Variants in ERC1 observed in about 807,000 individuals in gnomAD.
ERC1 encodes ELKS/RAB6-interacting/CAST family member 1.
In ERC1, 56 loss-of-function variants were observed where a neutral mutation model predicts 132.0. The observed-to-expected ratio is 0.42, with a 90% confidence interval of 0.34 to 0.53. The LOEUF is 0.53. Among genes scored for constraint, ERC1 ranks in the 20% least tolerant of loss-of-function variants. ERC1 has a pLI of 0.03. For synonymous variants in ERC1, 478 were observed against 476.1 expected (o/e 1.00, Z -0.05); for missense variants, 1,202 against 1,349.9 (o/e 0.89, Z 1.72).
chr12:1,092,792 C>A (rs528793881), intron 3 of ERC1, among the ~76,000 whole-genome samples: 116 of 152,278 alleles, frequency 7.6e-4, no homozygotes, highest in African/African-American at 2.7e-3. Flanking sequence ...AAAACCCTGT[C>A]TCTACTAAAA....
chr12:1,259,520 CTTTTTTTTTTTT>C (rs201786277), intron 13 of ERC1, among the ~76,000 whole-genome samples: 1 of 113,908 alleles, frequency 8.8e-6, no homozygotes. Context: ...TTCTTTCTTT[CTTTTTTTTTTTT>C]TTTTTTTTTG....
At chr12:1,179,126 C>T (rs1003685630) in intron 8 of ERC1, among the ~76,000 whole-genome samples, 1 of 152,094 alleles carries the variant, frequency 6.6e-6, no homozygotes, top group South Asian at 2.1e-4. Flanking sequence ...TAACATGCCG[C>T]TTGCTGTACT....
rs79093727 is a variant in ERC1, at chr12:1,324,853, T to C, written c.2780+34841T>C. On this transcript the variant is annotated intron_variant, in intron 15 of 18. Coordinates refer to ENST00000360905, the MANE Select transcript of ERC1 (RefSeq NM_178040.4). ...TCCACTGCCTGTTTTTCTTCAGGTATCATGAAAGTGAATGAAGTATTTTCA... is the reference window on the plus strand; with the variant it reads ...TCCACTGCCTGTTTTTCTTCAGGTACCATGAAAGTGAATGAAGTATTTTCA... Among the ~76,000 whole-genome samples, 440 of 152,330 alleles carry C rather than the reference T, an allele frequency of 2.9e-3. 2 individuals are homozygous for C. The highest frequency in any genetic ancestry group is 9.7e-3 in the African/African-American group (404 of 41,582).
chr12:1,142,740 T>C (rs1949968939), intron 8 of ERC1, among the ~76,000 whole-genome samples: 1 of 152,242 alleles, frequency 6.6e-6, no homozygotes, highest in African/African-American at 2.4e-5. Context: ...GAACAGACTT[T>C]TATATTTAAC....
At chr12:1,328,655 C>G (rs551916852) in intron 15 of ERC1, among the ~76,000 whole-genome samples, 1 of 144,722 alleles carries the variant, frequency 6.9e-6, no homozygotes, top group Admixed American at 6.7e-5. Context: ...TTTCCTTTCT[C>G]CCCCCTCCCC....
intron 15 of ERC1, among the ~76,000 whole-genome samples, chr12:1,333,826 C>T (rs2083084880): frequency 6.6e-6 from 1 of 152,166 alleles, no homozygotes; most frequent in African/African-American, 2.4e-5. Flanking sequence ...GAGGAATCAT[C>T]ATGCTGTCTT....
chr12:1,490,046 C>T (rs2094302282), intron 18 of ERC1, 47 bp from the exon 19 acceptor site: 1 of 1,596,246 alleles, frequency 6.3e-7, no homozygotes, highest in Non-Finnish European at 8.6e-7. Flanking sequence ...TAGCTCAGTG[C>T]AAATGGGATT....
At position 1,155,281 on chromosome 12, in the gene ERC1, G is replaced by A. The variant is rs539111254; in HGVS notation, c.1737+13494G>A. ...GCAGAGGTTGCAGTGAGCCTGGATCGTGCCACTGCACTCACAGGGCGAGAC... is the reference window on the plus strand; with the variant it reads ...GCAGAGGTTGCAGTGAGCCTGGATCATGCCACTGCACTCACAGGGCGAGAC... On this transcript the variant is annotated intron_variant, in intron 8 of 18. Coordinates refer to ENST00000360905, the MANE Select transcript of ERC1 (RefSeq NM_178040.4). 9.8e-4 allele frequency among the ~76,000 whole-genome samples: 137 copies of A among 140,448 alleles called. 2 individuals carry two copies. The South Asian group carries it at 0.014, about 15-fold the overall frequency. 92.1% of individuals were successfully genotyped at this position (140,448 alleles called of 152,430 possible). A position where few individuals can be genotyped will look rare whatever the true frequency, so the allele number is the denominator to read the frequency against.
chr12:1,462,496 A>G (rs1328909449), intron 18 of ERC1, among the ~76,000 whole-genome samples: 1 of 152,236 alleles, frequency 6.6e-6, no homozygotes, highest in Non-Finnish European at 1.5e-5. Context: ...CTACTCAGCA[A>G]TAGAAAAGAA....
chr12:1,459,047 A>C (rs188382795), intron 18 of ERC1, among the ~76,000 whole-genome samples: 2 of 152,372 alleles, frequency 1.3e-5, no homozygotes, highest in Non-Finnish European at 2.9e-5. Flanking sequence ...TCAAAACAAC[A>C]TGGGGAAAAT....
chr12:1,238,598 C>T (rs1172606258), intron 13 of ERC1, among the ~76,000 whole-genome samples: 1 of 152,120 alleles, frequency 6.6e-6, no homozygotes, highest in Non-Finnish European at 1.5e-5. Flanking sequence ...AACCTCCCTT[C>T]TTGAACTATG....
At chr12:1,190,165 C>A in intron 12 of ERC1, 113 bp downstream of exon 12, 4 of 974,612 alleles carry the variant, frequency 4.1e-6, no homozygotes, top group Middle Eastern at 4.1e-4. Flanking sequence ...TTCTCGAATT[C>A]TTGCTATTAC....
chr12:1,272,966 A>C (rs1335242923), intron 14 of ERC1, among the ~76,000 whole-genome samples: 10 of 151,744 alleles, frequency 6.6e-5, no homozygotes, highest in African/African-American at 1.7e-4. Context: ...AAAAAAAAAA[A>C]AAAAAACCTT....
intron 18 of ERC1, among the ~76,000 whole-genome samples, chr12:1,452,405 C>G (rs565265221): frequency 1.3e-5 from 2 of 152,096 alleles, no homozygotes; most frequent in African/African-American, 4.8e-5. Flanking sequence ...GATAATGTAC[C>G]TAGTTGTGTT....
intron 7 of ERC1, among the ~76,000 whole-genome samples, chr12:1,129,630 A>G (rs1948561367): frequency 1.3e-5 from 2 of 152,240 alleles, no homozygotes; most frequent in African/African-American, 4.8e-5. Context: ...TAGTGAGAAT[A>G]TGGTAGCGTA....
At chr12:1,459,287 AAAAG>A (rs1166542344) in intron 18 of ERC1, among the ~76,000 whole-genome samples, 3 of 152,276 alleles carry the variant, frequency 2.0e-5, no homozygotes, top group South Asian at 2.1e-4. Flanking sequence ...TTTTTTTTAA[AAAAG>A]AAATCTCTGA....
chr12:1,280,329 C>T (rs1166263139), intron 14 of ERC1, among the ~76,000 whole-genome samples: 1 of 152,120 alleles, frequency 6.6e-6, no homozygotes, highest in Non-Finnish European at 1.5e-5. Flanking sequence ...GAAATGTGCA[C>T]GGTGGGATTT....
At chr12:1,197,453 G>C (rs987088082) in intron 12 of ERC1, among the ~76,000 whole-genome samples, 2 of 152,174 alleles carry the variant, frequency 1.3e-5, no homozygotes, top group Non-Finnish European at 2.9e-5. Context: ...GGAGGCTGTA[G>C]ACAGCTAGAT....
At chr12:1,427,413 T>C (rs1378948718) in intron 17 of ERC1, among the ~76,000 whole-genome samples, 2 of 152,240 alleles carry the variant, frequency 1.3e-5, no homozygotes, top group Non-Finnish European at 2.9e-5. Context: ...ATCACCCCGA[T>C]GCAATCTCAG....
Sources: allele counts gnomAD v4.1 joint callset (sites outside exome capture counted in the v4.1 genomes callset), GRCh38; gene constraint gnomAD v4.1.1; transcripts MANE v1.5; gene names NCBI Gene and HGNC (gene_info 2026-07-23, HGNC 2026-07-21).